CYP1A2: variants seen among roughly 807,000 people sequenced by gnomAD.
CYP1A2 encodes cytochrome P450 family 1 subfamily A member 2, also known as cytochrome P450 1A2.
Under a neutral mutation model 34.7 loss-of-function variants are expected in CYP1A2, and 35 were observed. The observed-to-expected ratio is 1.01, with a 90% confidence interval of 0.77 to 1.34. The LOEUF is 1.34. Ranked by LOEUF, CYP1A2 falls within the 40% of genes most tolerant of loss-of-function variation. The pLI, the probability that CYP1A2 is intolerant of heterozygous loss-of-function variation, is 0.00. For missense variants in CYP1A2, 675 were observed against 675.8 expected, an observed-to-expected ratio of 1.00 and a Z score of 0.01; for synonymous variants, 288 against 281.9, an observed-to-expected ratio of 1.02 and a Z score of -0.22.
chr15:74,748,919 T>A (rs934269977), intron 1 of CYP1A2, 22 bp downstream of exon 1: 2 of 152,280 alleles, frequency 1.3e-5, no homozygotes, highest in African/African-American at 4.8e-5. Context: ...GGGACCAATT[T>A]ACAATCTCTG....
chr15:74,753,069 C>A, intron 5 of CYP1A2, 115 bp from the exon 6 acceptor site: 1 of 691,810 alleles, frequency 1.4e-6, no homozygotes. Context: ...CCCTCCCCTC[C>A]CAGTGTAGGG....
At position 74,755,634 on chromosome 15, in the gene CYP1A2, G is replaced by A. The variant is rs2063335224; in HGVS notation, c.*546G>A. On this transcript the variant is annotated 3_prime_UTR_variant, in exon 7 of 7. Transcript: ENST00000343932. Reference sequence around the variant, plus strand: ...GGCTGATTTTTGTAGTTTTAGTGGAGATGGGGTTTCACCATGTTGGCCAGG... The same window carrying A: ...GGCTGATTTTTGTAGTTTTAGTGGAAATGGGGTTTCACCATGTTGGCCAGG... 1 of 152,184 alleles carries A rather than the reference G, an allele frequency of 6.6e-6. No homozygotes were observed. The highest frequency in any genetic ancestry group is 2.4e-5 in the African/African-American group (1 of 41,330). 9.4% of individuals were successfully genotyped at this position (152,184 alleles called of 1,614,324 possible).
chr15:74,749,025 A>C (rs1026136386), intron 1 of CYP1A2, 128 bp downstream of exon 1: 5 of 152,246 alleles, frequency 3.3e-5, no homozygotes, highest in African/African-American at 1.2e-4. Flanking sequence ...TTTGCTACCC[A>C]GCTCTTGACT....
chr15:74,752,025 A>G, intron 4 of CYP1A2, 99 bp from the exon 5 acceptor site: 1 of 1,567,444 alleles, frequency 6.4e-7, no homozygotes, highest in Non-Finnish European at 8.7e-7. Context: ...ACTTGTGAAT[A>G]GACAGTCTTA....
intron 6 of CYP1A2, among the ~76,000 whole-genome samples, chr15:74,754,158 C>T (rs2063328114): frequency 6.6e-6 from 1 of 152,114 alleles, no homozygotes; most frequent in African/African-American, 2.4e-5. Context: ...CCTGCCTCAG[C>T]CTCCCAAAGT....
rs533887977 is a variant in CYP1A2, at chr15:74,756,093, G to T, written c.*1005G>T. ...GCCTCCCAAAGTGCTGGGATTAACA[G>T]GTATGAACCACCGCGCCCAGCCTTT... is the stretch of plus-strand genomic sequence containing the variant. On this transcript the variant is annotated 3_prime_UTR_variant, in exon 7 of 7. Coordinates refer to ENST00000343932, the MANE Select transcript of CYP1A2 (RefSeq NM_000761.5). 6.7e-6 allele frequency: 1 copy of T among 149,792 alleles called. No homozygotes were observed. The allele number at this position is 149,792 out of a possible 1,614,324, so 9.3% of individuals were successfully genotyped here.
rs56191206 is a variant in CYP1A2, at chr15:74,751,878, T to C, written c.1042+24T>C. Reference sequence around the variant, plus strand: ...GGGTACATGGGGGCCCCCAACCCTATAGCCAGGAGAAGCCTTGAGACCCAG... The same window carrying C: ...GGGTACATGGGGGCCCCCAACCCTACAGCCAGGAGAAGCCTTGAGACCCAG... On this transcript the variant is annotated intron_variant, in intron 4 of 6. Coordinates refer to ENST00000343932, the MANE Select transcript of CYP1A2 (RefSeq NM_000761.5). 5.3e-5 allele frequency: 86 copies of C among 1,608,078 alleles called. 1 individual carries two copies. In the East Asian group the frequency reaches 1.6e-3, roughly 30 times the overall value.
At position 74,754,958 on chromosome 15, in the gene CYP1A2, T is replaced by A. The variant is rs1300577537; in HGVS notation, c.1421T>A (p.Ile474Asn). ...TGGGAGATCTTCCTCTTCCTGGCCA[T>A]CCTGCTACAGCAACTGGAGTTCAGC... Reference protein sequence around the residue: ...AKWEIFLFLAILLQQLEFSVP... With the variant: ...AKWEIFLFLANLLQQLEFSVP... Residue 474 changes from isoleucine to asparagine, a missense_variant, in exon 7 of 7, where the codon ATC becomes AAC. Transcript: ENST00000343932. 3 of 1,614,234 alleles carry A rather than the reference T, an allele frequency of 1.9e-6. No homozygotes were observed. Among genetic ancestry groups the A allele is most frequent in the East Asian group, 4.5e-5 (2 of 44,890 alleles).
chr15:74,755,054 A>G lies in CYP1A2; in HGVS notation c.1517A>G (p.His506Arg). Residue 506 changes from histidine to arginine, a missense_variant, in exon 7 of 7, where the codon CAT becomes CGT. By Grantham distance (29) the His-to-Arg change is conservative (BLOSUM62 0). Coordinates refer to ENST00000343932, the MANE Select transcript of CYP1A2 (RefSeq NM_000761.5). ...GLTMKHARCE[H>R]VQARLRFSIN ...ACCATGAAGCACGCCCGCTGTGAACATGTCCAGGCGCGGCTGCGCTTCTCC... is the reference window on the plus strand; with the variant it reads ...ACCATGAAGCACGCCCGCTGTGAACGTGTCCAGGCGCGGCTGCGCTTCTCC... 1 of 1,613,260 alleles carries G rather than the reference A, an allele frequency of 6.2e-7. No individual in the cohort carries two copies.
rs762326858 is a variant in CYP1A2 at position 74,753,193 on chromosome 15, G to T, written c.1176G>T (p.Arg392Ser). The stretch of plus-strand genomic sequence containing the variant: ...CCTCTTCCCTCCTCAGCACAACAAG[G>T]GACACAACGCTGAATGGCTTCTACA... ...LPFTIPHSTT[R>S]DTTLNGFYIP... The change falls in exon 6 of 7, where the codon AGG (arginine) becomes AGT (serine). Residue 392 changes from arginine (R) to serine (S), a missense_variant. Arg to Ser is a moderately radical substitution (Grantham distance 110, BLOSUM62 -1). Transcript: ENST00000343932. 8.7e-6 allele frequency: 14 copies of T among 1,613,354 alleles called. No individual in the cohort carries two copies. The highest frequency in any genetic ancestry group is 1.1e-5 in the Non-Finnish European group (13 of 1,179,628).
At chr15:74,752,085 G>A in intron 4 of CYP1A2, 39 bp from the exon 5 acceptor site, 2 of 1,611,612 alleles carry the variant, frequency 1.2e-6, no homozygotes, top group Non-Finnish European at 8.5e-7. Flanking sequence ...GGGCAGTTAG[G>A]GCAGCCCCTG....
chr15:74,751,192 A>G lies in CYP1A2; in HGVS notation c.835A>G (p.Ser279Gly). The stretch of plus-strand genomic sequence containing the variant: ...CCCTAAGCTTGTGCCCCCTCAGAAC[A>G]GTGTCCGGGACATCACGGGTGCCCT... ...QEHYQDFDKN[S>G]VRDITGALFK... The change falls in exon 3 of 7, where the codon AGT (serine) becomes GGT (glycine). Residue 279 changes from serine to glycine, a missense_variant. Ser to Gly is a moderately conservative substitution (Grantham distance 56). Coordinates refer to ENST00000343932, the MANE Select transcript of CYP1A2 (RefSeq NM_000761.5). 1 of 1,613,994 alleles carries G rather than the reference A, an allele frequency of 6.2e-7. No individual in the cohort carries two copies. The highest frequency in any genetic ancestry group is 1.1e-5 in the South Asian group (1 of 91,074).
At chr15:74,754,281 C>T (rs1407170721) in intron 6 of CYP1A2, among the ~76,000 whole-genome samples, 2 of 151,708 alleles carry the variant, frequency 1.3e-5, no homozygotes, top group African/African-American at 4.8e-5. Context: ...ATCTTTAAGG[C>T]TGGTCATTTT....
intron 2 of CYP1A2, 21 bp downstream of exon 2, chr15:74,750,590 G>A (rs375308675): frequency 4.2e-5 from 67 of 1,597,994 alleles, no homozygotes; most frequent in Non-Finnish European, 5.5e-5. Flanking sequence ...GGTGCAGGTG[G>A]CAAGGGGCAC....
Position 74,755,159 on chromosome 15 carries a change from T to G in CYP1A2, c.*71T>G. 38 of 1,505,094 alleles carry G rather than the reference T, an allele frequency of 2.5e-5. No individual in the cohort carries two copies. The highest frequency in any genetic ancestry group is 3.3e-5 in the Non-Finnish European group (37 of 1,120,498). The allele number at this position is 1,505,094 out of a possible 1,614,324, so 93.2% of individuals were successfully genotyped here. Reference sequence around the variant, plus strand: ...CACGGGGACTCAGCCCTTGTTTCTCTTCCTTTCTTTTTTTAAAAAATAGCA... The same window carrying G: ...CACGGGGACTCAGCCCTTGTTTCTCGTCCTTTCTTTTTTTAAAAAATAGCA... On this transcript the variant is annotated 3_prime_UTR_variant, in exon 7 of 7. Coordinates refer to ENST00000343932, the MANE Select transcript of CYP1A2 (RefSeq NM_000761.5).
Position 74,751,221 on chromosome 15 carries a change from C to T in CYP1A2, c.864C>T (p.Phe288=), listed in dbSNP as rs768687059. The T allele has an allele frequency of 3.7e-6, 6 of 1,614,108 alleles. No individual in the cohort carries two copies. Among genetic ancestry groups the T allele is most frequent in the Middle Eastern group, 3.3e-4 (2 of 6,062 alleles). The change falls in exon 3 of 7, where the codon TTC becomes TTT. Residue 288 remains phenylalanine (F), a synonymous_variant. Transcript: ENST00000343932. ...NSVRDITGAL[F]KHSKKGPRAS... ...TCCGGGACATCACGGGTGCCCTGTT[C>T]AAGCACAGCAAGAAGGGGCCTAGAG...
intron 6 of CYP1A2, among the ~76,000 whole-genome samples, chr15:74,753,497 G>A (rs971510570): frequency 7.2e-5 from 11 of 152,120 alleles, no homozygotes; most frequent in Admixed American, 3.9e-4. Flanking sequence ...TTGGGAGGCC[G>A]AGGCAGGCAG....
chr15:74,751,776 G>A lies in CYP1A2; in HGVS notation c.964G>A (p.Val322Ile). Reference protein sequence around the residue: ...NDIFGAGFDTVTTAISWSLMY... With the variant: ...NDIFGAGFDTITTAISWSLMY... ...ACTACACGGTTCAGGATTTGACACA[G>A]TCACCACAGCCATCTCCTGGAGCCT... is the stretch of plus-strand genomic sequence containing the variant. The change falls in exon 4 of 7, where the codon GTC becomes ATC. Residue 322 changes from valine (V) to isoleucine (I), a missense_variant. Physicochemically the swap from Val to Ile is conservative, Grantham distance 29 (BLOSUM62 3). Transcript: ENST00000343932. 5 of 1,614,008 alleles carry A rather than the reference G, an allele frequency of 3.1e-6. No homozygotes were observed. The highest frequency in any genetic ancestry group is 4.2e-6 in the Non-Finnish European group (5 of 1,179,962).
rs1429333138 is a variant in CYP1A2, at chr15:74,752,240, C to A, written c.1159C>A (p.Pro387Thr). ...CTCCTCCTTCTTGCCCTTCACCATC[C>A]CCCACAGGTGAGGCCTGCCGGTTCT... is the stretch of plus-strand genomic sequence containing the variant. ...RHSSFLPFTI[P>T]HSTTRDTTLN... Residue 387 changes from proline (P) to threonine (T), a missense_variant, in exon 5 of 7, where the codon CCC (proline) becomes ACC (threonine). By Grantham distance (38) the Pro-to-Thr change is conservative. Transcript: ENST00000343932. The A allele has an allele frequency of 1.2e-6, 2 of 1,613,798 alleles. No individual in the cohort carries two copies. The highest frequency in any genetic ancestry group is 1.7e-6 in the Non-Finnish European group (2 of 1,179,920).
Sources: allele counts gnomAD v4.1 joint callset (sites outside exome capture counted in the v4.1 genomes callset), GRCh38; gene constraint gnomAD v4.1.1; transcripts MANE v1.5; gene names NCBI Gene and HGNC (gene_info 2026-07-23, HGNC 2026-07-21).